Variants in NFIX observed in about 807,000 individuals in gnomAD.
The protein encoded by NFIX is nuclear factor 1 X-type.
Under a neutral mutation model 53.3 loss-of-function variants are expected in NFIX, and 2 were observed. That is an observed-to-expected ratio of 0.04 (90% CI 0.02 to 0.12). The LOEUF (loss-of-function observed/expected upper bound fraction) is 0.12, where lower values mean the gene tolerates loss of function less well. Among genes scored for constraint, NFIX ranks in the 10% least tolerant of loss-of-function variants. The pLI is 1.00. For synonymous variants in NFIX, 244 were observed against 289.0 expected (o/e 0.84, Z 1.58); for missense variants, 310 against 674.5 (o/e 0.46, Z 5.99).
chr19:13,046,902 T>C (rs1438062775), intron 2 of NFIX, among the ~76,000 whole-genome samples: 7 of 152,116 alleles, frequency 4.6e-5, no homozygotes, highest in Non-Finnish European at 1.5e-5. Context: ...AGTTCCAGAC[T>C]CTTGAAGAGT....
chr19:13,029,148 G>A lies in NFIX; in HGVS notation c.559+3596G>A, dbSNP rs868200807. Among the ~76,000 whole-genome samples, 15 of 152,144 alleles carry A rather than the reference G, an allele frequency of 9.9e-5. No individual in the cohort carries two copies. In the Middle Eastern group the frequency reaches 0.01, roughly 103 times the overall value. On this transcript the variant is annotated intron_variant, in intron 2 of 10. Coordinates refer to ENST00000592199, the MANE Select transcript of NFIX (RefSeq NM_001365902.3). ...GTACCCACCACTAGTGCCAGCAATC[G>A]CCAGATCACGGCCAATCTCAATTCA...
At chr19:13,057,516 C>G (rs2015785079) in intron 2 of NFIX, among the ~76,000 whole-genome samples, 1 of 152,212 alleles carries the variant, frequency 6.6e-6, no homozygotes, top group Non-Finnish European at 1.5e-5. Context: ...TGATGCCACA[C>G]CCCCAGCCTC....
chr19:13,015,046 C>T (rs2012581638), intron 1 of NFIX, among the ~76,000 whole-genome samples: 1 of 152,190 alleles, frequency 6.6e-6, no homozygotes, highest in African/African-American at 2.4e-5. Context: ...GCGCTAGTGG[C>T]TGTGAAGTGC....
intron 8 of NFIX, chr19:13,082,471 C>T (rs1252873798): frequency 6.6e-6 from 1 of 152,260 alleles, no homozygotes; most frequent in Non-Finnish European, 1.5e-5. Flanking sequence ...AAGCCCCGAT[C>T]CACATAGCTG....
At chr19:13,023,899 C>A (rs1279187765) in intron 1 of NFIX, 2 of 721,114 alleles carry the variant, frequency 2.8e-6, no homozygotes, top group Admixed American at 2.4e-5. Context: ...CCAATAATAA[C>A]CCCCTTTAAA....
chr19:13,066,021 G>A lies in NFIX; in HGVS notation c.560-7026G>A, dbSNP rs1189574881. ...GGCTATGAGTCTATCTCCACATGGG[G>A]AGTGGAGGCAACCAAGGACTGTAGG... On this transcript the variant is annotated intron_variant, in intron 2 of 10. Transcript: ENST00000592199. This position sits in a 1 kb window ranked among gnomAD's most constrained non-coding sequence, Gnocchi z 4.2. Among the ~76,000 whole-genome samples the A allele has an allele frequency of 6.6e-6, 1 of 152,194 alleles. No homozygotes were observed. Among genetic ancestry groups the A allele is most frequent in the Non-Finnish European group, 1.5e-5 (1 of 68,026 alleles).
Position 13,095,234 on chromosome 19 carries a change from C to A in NFIX, c.*585C>A, listed in dbSNP as rs1340586878. ...CTGCCAAGGCTCCAGCTTCTTCCCCCAGCTGCTCCCGACCAGGAGGGGGAG... is the reference window on the plus strand; with the variant it reads ...CTGCCAAGGCTCCAGCTTCTTCCCCAAGCTGCTCCCGACCAGGAGGGGGAG... On this transcript the variant is annotated 3_prime_UTR_variant, in exon 11 of 11. Transcript: ENST00000592199. 1.3e-5 allele frequency: 2 copies of A among 151,628 alleles called. No homozygotes were observed. The highest frequency in any genetic ancestry group is 4.9e-5 in the African/African-American group (2 of 41,200). 9.4% of individuals were successfully genotyped at this position (151,628 alleles called of 1,614,324 possible).
At chr19:13,029,184 C>G (rs1346417972) in intron 2 of NFIX, among the ~76,000 whole-genome samples, 1 of 152,180 alleles carries the variant, frequency 6.6e-6, no homozygotes, top group Non-Finnish European at 1.5e-5. Flanking sequence ...ACCATCCTCC[C>G]AACTGCCCAC....
chr19:13,048,644 G>A (rs897178986), intron 2 of NFIX, among the ~76,000 whole-genome samples: 4 of 151,906 alleles, frequency 2.6e-5, no homozygotes, highest in Non-Finnish European at 5.9e-5. Context: ...AGGATTGCTT[G>A]AGGCTAGGAG....
chr19:13,080,171 A>G (rs892698005), intron 7 of NFIX, among the ~76,000 whole-genome samples: 1 of 152,238 alleles, frequency 6.6e-6, no homozygotes, highest in African/African-American at 2.4e-5. Context: ...AGTCATCAAG[A>G]TAAATAATAT....
chr19:13,003,797 C>A (rs1347184503), intron 1 of NFIX, among the ~76,000 whole-genome samples: 1 of 152,162 alleles, frequency 6.6e-6, no homozygotes, highest in Non-Finnish European at 1.5e-5. Flanking sequence ...TGCCACCACA[C>A]CTGGCTAATT....
chr19:13,015,513 A>G (rs2145164994), intron 1 of NFIX, among the ~76,000 whole-genome samples: 1 of 152,152 alleles, frequency 6.6e-6, no homozygotes, highest in South Asian at 2.1e-4. Flanking sequence ...AGGGATGGGG[A>G]CAGTGTATCC....
At chr19:13,063,956 T>G (rs2016246471) in intron 2 of NFIX, among the ~76,000 whole-genome samples, 1 of 151,956 alleles carries the variant, frequency 6.6e-6, no homozygotes, top group African/African-American at 2.4e-5. Context: ...GTGAGGGTGA[T>G]TGTCTGGCCA....
Position 13,073,571 on chromosome 19 carries a change from T to TA in NFIX, c.697+77dup. On this transcript the variant is annotated intron_variant, in intron 4 of 10. Coordinates refer to ENST00000592199, the MANE Select transcript of NFIX (RefSeq NM_001365902.3). The surrounding 1 kb of genome is among the most constrained non-coding windows in gnomAD (Gnocchi z 4.5). ...GGTGGGACCTCATGGGATGTCCTCC[T>TA]AATGGGGTCTTAGGGCAGGTGGATG... is the stretch of plus-strand genomic sequence containing the variant. 1 of 1,332,530 alleles carries TA rather than the reference T, an allele frequency of 7.5e-7. No homozygotes were observed. The highest frequency in any genetic ancestry group is 1.4e-5 in the African/African-American group (1 of 69,330). The allele number at this position is 1,332,530 out of a possible 1,614,324, so 82.5% of individuals were successfully genotyped here.
Position 13,078,606 on chromosome 19 carries a change from C to T in NFIX, c.956-7C>T. 6.3e-7 allele frequency: 1 copy of T among 1,597,276 alleles called. No homozygotes were observed. On this transcript the variant is annotated splice_region_variant and splice_polypyrimidine_tract_variant and intron_variant, in intron 6 of 10. Transcript: ENST00000592199. The surrounding 1 kb of genome is among the most constrained non-coding windows in gnomAD (Gnocchi z 4.7). ...ACCTGCCCTGTGTTGCTGCTTCCTC[C>T]CCCCAGGCCCGGCTTCTCTAAAGAA...
Position 13,028,498 on chromosome 19 carries a change from GA to G in NFIX, c.559+2947del, listed in dbSNP as rs2013544538. Among the ~76,000 whole-genome samples, 1 of 152,170 alleles carries G rather than the reference GA, an allele frequency of 6.6e-6. No individual in the cohort carries two copies. The highest frequency in any genetic ancestry group is 2.4e-5 in the African/African-American group (1 of 41,434). On this transcript the variant is annotated intron_variant, in intron 2 of 10. Transcript: ENST00000592199. The surrounding 1 kb of genome is among the most constrained non-coding windows in gnomAD (Gnocchi z 4.2). Reference sequence around the variant, plus strand: ...TGTTATGTCCCAGATGAAGCTTCAAGAGATGACATGTTCGAGAGGGAATAAA... The same window carrying G: ...TGTTATGTCCCAGATGAAGCTTCAAGGATGACATGTTCGAGAGGGAATAAA...
Position 13,037,591 on chromosome 19 carries a change from A to T in NFIX, c.559+12039A>T, listed in dbSNP as rs1381308290. 1.3e-5 allele frequency among the ~76,000 whole-genome samples: 2 copies of T among 152,146 alleles called. No homozygotes were observed. Among genetic ancestry groups the T allele is most frequent in the Non-Finnish European group, 2.9e-5 (2 of 68,026 alleles). ...TTCATAGCCCTGAGCATAGAGGAGG[A>T]AATTTGCCTTTGGCAGATGAGGGGA... On this transcript the variant is annotated intron_variant, in intron 2 of 10. Transcript: ENST00000592199. This position sits in a 1 kb window ranked among gnomAD's most constrained non-coding sequence, Gnocchi z 4.2.
chr19:13,046,875 G>C (rs1022732806), intron 2 of NFIX, among the ~76,000 whole-genome samples: 1 of 152,190 alleles, frequency 6.6e-6, no homozygotes, highest in African/African-American at 2.4e-5. Context: ...CACAGAGCCT[G>C]ATCAGGAGAG....
In NFIX at chr19:13,056,825, G is replaced by A. The variant is rs554992638; in HGVS notation, c.560-16222G>A. 9.8e-5 allele frequency among the ~76,000 whole-genome samples: 15 copies of A among 152,346 alleles called. No homozygotes were observed. In the South Asian group the frequency reaches 3.1e-3, roughly 32 times the overall value. On this transcript the variant is annotated intron_variant, in intron 2 of 10. Transcript: ENST00000592199. ...CAGCAACAGTGGAAGTCAAGGTTAT[G>A]AAGCCAGCCCTGCTTCCAAGGAAAG...
Sources: gnomAD v4.1 joint callset for allele counts (sites outside exome capture counted in the v4.1 genomes callset) on GRCh38, gnomAD v4.1.1 for gene constraint, Gnocchi (gnomAD v3.1) non-coding constraint, MANE v1.5 for transcripts, NCBI Gene and HGNC (gene_info 2026-07-23, HGNC 2026-07-21) for gene names.